TMEM135: variants seen among roughly 807,000 people sequenced by gnomAD.
TMEM135 encodes peroxisomal membrane protein 52.
TMEM135 carries 30 observed loss-of-function variants against 60.3 expected under a neutral mutation model. The ratio of observed to expected loss-of-function variants is 0.50; its 90% CI spans 0.37 to 0.68. The LOEUF is 0.68. TMEM135 is among the 30% of genes least tolerant of loss of function. TMEM135 has a pLI of 0.00. For missense variants in TMEM135, 468 were observed against 548.8 expected (o/e 0.85, Z 1.47); for synonymous variants, 190 against 186.7 (o/e 1.02, Z -0.14).
intron 5 of TMEM135, among the ~76,000 whole-genome samples, chr11:87,198,428 A>C (rs1342758450): frequency 2.0e-5 from 3 of 152,128 alleles, no homozygotes; most frequent in Admixed American, 6.5e-5. Flanking sequence ...AGCAACAAAA[A>C]AGTTAATAAG....
At chr11:87,217,877 C>T (rs1940536355) in intron 5 of TMEM135, among the ~76,000 whole-genome samples, 1 of 151,862 alleles carries the variant, frequency 6.6e-6, no homozygotes, top group Non-Finnish European at 1.5e-5. Context: ...AAAAGCTAGA[C>T]AGTGATCTTT....
chr11:87,294,582 C>T (rs1473644709), intron 6 of TMEM135, among the ~76,000 whole-genome samples: 1 of 152,156 alleles, frequency 6.6e-6, no homozygotes, highest in African/African-American at 2.4e-5. Flanking sequence ...GGGGTTTCTC[C>T]ATGTTGGTCA....
At chr11:87,248,296 G>A (rs369824345) in intron 6 of TMEM135, among the ~76,000 whole-genome samples, 7 of 152,164 alleles carry the variant, frequency 4.6e-5, no homozygotes, top group African/African-American at 1.7e-4. Context: ...CATAGTGGTT[G>A]TACTAATTTA....
At chr11:87,140,319 G>A (rs1313964820) in intron 4 of TMEM135, among the ~76,000 whole-genome samples, 2 of 151,946 alleles carry the variant, frequency 1.3e-5, no homozygotes, top group Admixed American at 1.3e-4. Context: ...CGCCTGCCAT[G>A]GCCTCCCAAA....
intron 3 of TMEM135, among the ~76,000 whole-genome samples, chr11:87,079,216 G>A (rs1856935226): frequency 6.6e-6 from 1 of 152,116 alleles, no homozygotes. Context: ...ATGCTGGCCA[G>A]GCTGGTCTTG....
chr11:87,100,186 C>T (rs1857425063), intron 4 of TMEM135, among the ~76,000 whole-genome samples: 1 of 152,060 alleles, frequency 6.6e-6, no homozygotes, highest in Non-Finnish European at 1.5e-5. Context: ...TATAAATGCT[C>T]AGTAATTCAA....
rs146638445 is a variant in TMEM135, at chr11:87,159,593, G to GCACA, written c.462+2209_462+2212dup. ...AAGATACTACTGAATACACACACGC[G>GCACA]CACACACACACACACACACACACAC... On this transcript the variant is annotated intron_variant, in intron 5 of 14. Coordinates refer to ENST00000305494, the MANE Select transcript of TMEM135 (RefSeq NM_022918.4). Among the ~76,000 whole-genome samples the GCACA allele has an allele frequency of 3.6e-4, 45 of 124,964 alleles. No homozygotes were observed. The South Asian group carries it at 4.8e-3, about 13-fold the overall frequency. The allele number at this position is 124,964 out of a possible 152,430, so 82.0% of individuals were successfully genotyped here.
chr11:87,100,660 G>A (rs954969383), intron 4 of TMEM135, among the ~76,000 whole-genome samples: 5 of 152,110 alleles, frequency 3.3e-5, no homozygotes, highest in Non-Finnish European at 5.9e-5. Flanking sequence ...TCAGGAGTTC[G>A]AGACCAGCCT....
At position 87,037,968 on chromosome 11, in the gene TMEM135, C is replaced by T. The variant is rs1241247772; in HGVS notation, c.-78C>T. 11 of 1,599,944 alleles carry T rather than the reference C, an allele frequency of 6.9e-6. No individual in the cohort carries two copies. The highest frequency in any genetic ancestry group is 1.3e-5 in the African/African-American group (1 of 74,832). On this transcript the variant is annotated 5_prime_UTR_variant, in exon 1 of 15. Coordinates refer to ENST00000305494, the MANE Select transcript of TMEM135 (RefSeq NM_022918.4). The stretch of plus-strand genomic sequence containing the variant: ...CTCCGAGTGCTGGCCGGGCGAGAGG[C>T]TGGCGGCTGGGCTCTCGCGCCCCTC...
At chr11:87,120,430 A>G (rs1268672444) in intron 4 of TMEM135, among the ~76,000 whole-genome samples, 1 of 144,482 alleles carries the variant, frequency 6.9e-6, no homozygotes, top group Non-Finnish European at 1.5e-5. Context: ...TATCATGGGG[A>G]TATATTACTT....
intron 4 of TMEM135, among the ~76,000 whole-genome samples, chr11:87,132,449 A>G (rs1269926229): frequency 6.6e-6 from 1 of 152,188 alleles, no homozygotes; most frequent in Non-Finnish European, 1.5e-5. Context: ...TTAAGAGTTA[A>G]TTAGTAGTAT....
At chr11:87,096,762 G>A (rs990738607) in intron 4 of TMEM135, among the ~76,000 whole-genome samples, 2 of 152,192 alleles carry the variant, frequency 1.3e-5, no homozygotes, top group African/African-American at 4.8e-5. Flanking sequence ...GCTAGGCTTT[G>A]ATAAGAGTCA....
intron 5 of TMEM135, among the ~76,000 whole-genome samples, chr11:87,165,648 C>A (rs1939015340): frequency 6.6e-6 from 1 of 151,216 alleles, no homozygotes; most frequent in Non-Finnish European, 1.5e-5. Context: ...TGGTAGAATT[C>A]AGCTGTGAAT....
rs1938383992 is a variant in TMEM135 at position 87,145,321 on chromosome 11, T to TC, written c.397-12020_397-12019insC. 1.3e-5 allele frequency among the ~76,000 whole-genome samples: 2 copies of TC among 152,212 alleles called. 1 individual carries two copies. The highest frequency in any genetic ancestry group is 4.1e-4 in the South Asian group (2 of 4,836). ...AAATACCTCACCTTTTCTTTATCCA[T>TC]TCATCTGTTGATGGACACTTAGGTT... On this transcript the variant is annotated intron_variant, in intron 4 of 14. Transcript: ENST00000305494.
intron 4 of TMEM135, among the ~76,000 whole-genome samples, chr11:87,100,236 C>T (rs572521109): frequency 9.9e-5 from 15 of 152,260 alleles, no homozygotes; most frequent in Non-Finnish European, 2.1e-4. Flanking sequence ...TAGATTTTGA[C>T]TATGTCTGAG....
chr11:87,102,746 A>G (rs7124350), intron 4 of TMEM135, among the ~76,000 whole-genome samples: 1 of 146,030 alleles, frequency 6.8e-6, no homozygotes, highest in African/African-American at 2.6e-5. Flanking sequence ...ATATGTATAT[A>G]TGTATATATA....
In TMEM135 at chr11:87,302,280, G is replaced by C. The variant is rs1590857973; in HGVS notation, c.552-16G>C. 3.7e-6 allele frequency: 6 copies of C among 1,609,836 alleles called. No homozygotes were observed. Among genetic ancestry groups the C allele is most frequent in the Admixed American group, 3.3e-5 (2 of 59,734 alleles). On this transcript the variant is annotated splice_polypyrimidine_tract_variant and intron_variant, in intron 7 of 14. Transcript: ENST00000305494. ...TTTTAAGTGAAAAATGCCTCACATT[G>C]TGCTCTTTTCTTTAGGTTCATTGTA...
intron 4 of TMEM135, among the ~76,000 whole-genome samples, chr11:87,120,472 C>CT (rs541561365): frequency 0.033 from 3,399 of 104,154 alleles, 272 homozygotes; most frequent in African/African-American, 0.11. Context: ...GATGAAATTT[C>CT]TTTTTTTTTT....
intron 8 of TMEM135, among the ~76,000 whole-genome samples, chr11:87,302,960 ATACT>A (rs1565163910): frequency 6.6e-6 from 1 of 152,234 alleles, no homozygotes; most frequent in Non-Finnish European, 1.5e-5. Flanking sequence ...TCTAGGATAG[ATACT>A]TAAGAAAATA....
Sources: gnomAD v4.1 joint callset for allele counts (sites outside exome capture counted in the v4.1 genomes callset) on GRCh38, gnomAD v4.1.1 for gene constraint, MANE v1.5 for transcripts, NCBI Gene and HGNC (gene_info 2026-07-23, HGNC 2026-07-21) for gene names.